CNTNAP2: variants seen among roughly 807,000 people sequenced by gnomAD.
The protein encoded by CNTNAP2 is contactin-associated protein-like 2.
A neutral mutation model predicts 155.2 loss-of-function variants in CNTNAP2; 98 were observed. The observed-to-expected ratio is 0.63, with a 90% confidence interval of 0.54 to 0.75. The LOEUF (loss-of-function observed/expected upper bound fraction) is 0.75. CNTNAP2 is among the 30% of genes least tolerant of loss of function. CNTNAP2 has a pLI of 0.00. For missense variants in CNTNAP2, 1,727 were observed against 1,688.1 expected, an observed-to-expected ratio of 1.02 and a Z score of -0.40; for synonymous variants, 651 against 631.2, an observed-to-expected ratio of 1.03 and a Z score of -0.47.
intron 11 of CNTNAP2, among the ~76,000 whole-genome samples, chr7:147,488,401 C>T (rs934260260): frequency 6.6e-6 from 1 of 152,152 alleles, no homozygotes; most frequent in Non-Finnish European, 1.5e-5. Flanking sequence ...ATTCTACAAG[C>T]CAGTGAGCTG....
At chr7:147,341,355 T>G (rs1018366554) in intron 9 of CNTNAP2, among the ~76,000 whole-genome samples, 1 of 151,978 alleles carries the variant, frequency 6.6e-6, no homozygotes, top group African/African-American at 2.4e-5. Context: ...GGTTGATGGA[T>G]GCAGCAAACC....
intron 1 of CNTNAP2, among the ~76,000 whole-genome samples, chr7:146,533,253 C>T (rs973023601): frequency 6.6e-6 from 1 of 151,702 alleles, no homozygotes; most frequent in Admixed American, 6.6e-5. Context: ...TAAAGGTGGT[C>T]TATGCAAGTG....
chr7:146,235,550 C>T (rs1245237790), intron 1 of CNTNAP2, among the ~76,000 whole-genome samples: 1 of 152,168 alleles, frequency 6.6e-6, no homozygotes, highest in Non-Finnish European at 1.5e-5. Flanking sequence ...CACTGGGAAA[C>T]TGAGAACCCT....
At chr7:146,908,796 AAAATC>A (rs1447455702) in intron 3 of CNTNAP2, among the ~76,000 whole-genome samples, 1 of 140,510 alleles carries the variant, frequency 7.1e-6, no homozygotes, top group Non-Finnish European at 1.6e-5. Context: ...AGAAATAACT[AAAATC>A]AGAGCAGAAC....
chr7:148,203,448 CG>C (rs1795398045), intron 18 of CNTNAP2, among the ~76,000 whole-genome samples: 1 of 152,102 alleles, frequency 6.6e-6, no homozygotes, highest in African/African-American at 2.4e-5. Context: ...TGTATTTCAT[CG>C]AGAAATGAAT....
intron 11 of CNTNAP2, among the ~76,000 whole-genome samples, chr7:147,490,929 A>G (rs1189279150): frequency 2.6e-5 from 4 of 152,056 alleles, no homozygotes; most frequent in East Asian, 3.9e-4. Context: ...TTATAAAACC[A>G]TCATCTCGTG....
chr7:146,984,821 A>C (rs903557429), intron 3 of CNTNAP2, among the ~76,000 whole-genome samples: 3 of 152,208 alleles, frequency 2.0e-5, no homozygotes, highest in Admixed American at 6.5e-5. Context: ...AAATGCTATA[A>C]ATCAGTATTG....
At chr7:146,848,092 G>C (rs1284744350) in intron 3 of CNTNAP2, among the ~76,000 whole-genome samples, 1 of 152,142 alleles carries the variant, frequency 6.6e-6, no homozygotes, top group Non-Finnish European at 1.5e-5. Flanking sequence ...CAAATCAGCT[G>C]CACCAGGAAC....
intron 21 of CNTNAP2, among the ~76,000 whole-genome samples, chr7:148,287,507 T>C (rs1274132337): frequency 6.6e-6 from 1 of 152,212 alleles, no homozygotes; most frequent in East Asian, 1.9e-4. Context: ...GCCCTCCTTT[T>C]CCTGACACAT....
chr7:146,239,902 G>A (rs1338703170), intron 1 of CNTNAP2, among the ~76,000 whole-genome samples: 2 of 151,984 alleles, frequency 1.3e-5, no homozygotes, highest in Non-Finnish European at 2.9e-5. Context: ...ATCTGAATTG[G>A]TTTAATGGAA....
At chr7:147,632,702 G>A (rs995498182) in intron 12 of CNTNAP2, among the ~76,000 whole-genome samples, 2 of 152,182 alleles carry the variant, frequency 1.3e-5, no homozygotes, top group African/African-American at 4.8e-5. Flanking sequence ...CAAAAATATG[G>A]AAGCAACTTT....
At chr7:147,987,908 T>A (rs1801646716) in intron 15 of CNTNAP2, among the ~76,000 whole-genome samples, 1 of 152,170 alleles carries the variant, frequency 6.6e-6, no homozygotes. Context: ...TTGGCCAGGC[T>A]GGCCTCGAAC....
At position 147,499,960 on chromosome 7, in the gene CNTNAP2, G is replaced by A. The variant is rs569339099; in HGVS notation, c.1777+13919G>A. 3.9e-4 allele frequency among the ~76,000 whole-genome samples: 60 copies of A among 152,256 alleles called. 2 individuals carry two copies. The South Asian group carries it at 0.012, about 32-fold the overall frequency. ...ATAATATAAATGCAGCTTAGAAGAA[G>A]TAGAAATGTATCTATTTTTAAAGTA... On this transcript the variant is annotated intron_variant, in intron 11 of 23. Coordinates refer to ENST00000361727, the MANE Select transcript of CNTNAP2 (RefSeq NM_014141.6).
At chr7:147,066,195 C>G (rs1799776878) in intron 4 of CNTNAP2, among the ~76,000 whole-genome samples, 1 of 152,202 alleles carries the variant, frequency 6.6e-6, no homozygotes, top group South Asian at 2.1e-4. Flanking sequence ...ATGACCCTAA[C>G]AGTTCTTTAA....
intron 13 of CNTNAP2, chr7:147,671,765 G>C (rs755663025): frequency 8.5e-5 from 13 of 152,178 alleles, no homozygotes; most frequent in Non-Finnish European, 1.5e-4. Context: ...GGCTGTGATC[G>C]AGCTCCAAAA....
intron 1 of CNTNAP2, among the ~76,000 whole-genome samples, chr7:146,172,032 ATTTTTTTTTTT>A (rs61619996): frequency 1.5e-5 from 1 of 67,612 alleles, no homozygotes; most frequent in African/African-American, 4.9e-5. Context: ...TGCTCTTAGT[ATTTTTTTTTTT>A]TTTTTTTTTT....
chr7:147,439,307 G>GA (rs754278890), intron 10 of CNTNAP2, among the ~76,000 whole-genome samples: 28 of 151,872 alleles, frequency 1.8e-4, no homozygotes, highest in Non-Finnish European at 3.4e-4. Context: ...ATTTGCTTCA[G>GA]AAAAATTCCA....
intron 13 of CNTNAP2, among the ~76,000 whole-genome samples, chr7:147,842,533 G>C (rs1347625323): frequency 2.2e-5 from 3 of 135,734 alleles, no homozygotes; most frequent in African/African-American, 8.0e-5. Context: ...TTTATATTTA[G>C]ATTTAAATAT....
chr7:147,858,348 A>C (rs556593543), intron 13 of CNTNAP2, among the ~76,000 whole-genome samples: 42 of 152,278 alleles, frequency 2.8e-4, no homozygotes, highest in African/African-American at 8.7e-4. Context: ...CGGCCTCCCA[A>C]AGTGCTGGGA....
Sources: gnomAD v4.1 joint callset for allele counts (sites outside exome capture counted in the v4.1 genomes callset) on GRCh38, gnomAD v4.1.1 for gene constraint, MANE v1.5 for transcripts, NCBI Gene and HGNC (gene_info 2026-07-23, HGNC 2026-07-21) for gene names.